The following CSMD1 variants were observed in gnomAD, a reference collection of about 807,000 sequenced individuals.
CSMD1 encodes the protein CUB and Sushi multiple domains 1.
Under a neutral mutation model 417.5 loss-of-function variants are expected in CSMD1, and 213 were observed. That is an observed-to-expected ratio of 0.51 (90% CI 0.46 to 0.57). CSMD1 has a LOEUF of 0.57. Among genes scored for constraint, CSMD1 ranks in the 20% least tolerant of loss-of-function variants. The pLI, the probability that CSMD1 is intolerant of heterozygous loss-of-function variation, is 0.00. For missense variants in CSMD1, 6,923 were observed against 4,529.7 expected (o/e 1.53, Z -15.17); for synonymous variants, 2,862 against 1,736.8 (o/e 1.65, Z -16.11).
intron 69 of CSMD1, among the ~76,000 whole-genome samples, chr8:2,939,035 A>T (rs1331592974): frequency 6.6e-6 from 1 of 152,146 alleles, no homozygotes; most frequent in Non-Finnish European, 1.5e-5. Flanking sequence ...CACGACCACC[A>T]CTCATTTCAG....
At chr8:4,795,797 T>A (rs1300130715) in intron 1 of CSMD1, among the ~76,000 whole-genome samples, 5 of 152,118 alleles carry the variant, frequency 3.3e-5, no homozygotes, top group Non-Finnish European at 7.3e-5. Context: ...GTGCAATTCA[T>A]AAATCACACT....
At chr8:3,809,488 C>A (rs972935355) in intron 5 of CSMD1, among the ~76,000 whole-genome samples, 2 of 152,162 alleles carry the variant, frequency 1.3e-5, no homozygotes, top group Non-Finnish European at 2.9e-5. Context: ...GCTGCGTGAT[C>A]CTTCAGTTTC....
chr8:3,863,978 G>T (rs949839407), intron 5 of CSMD1, among the ~76,000 whole-genome samples: 3 of 152,186 alleles, frequency 2.0e-5, no homozygotes, highest in Admixed American at 2.0e-4. Flanking sequence ...TGAGGCTGCA[G>T]TCTAGGTTTG....
intron 7 of CSMD1, among the ~76,000 whole-genome samples, chr8:3,659,126 A>C (rs995403904): frequency 6.6e-6 from 1 of 152,190 alleles, no homozygotes; most frequent in Non-Finnish European, 1.5e-5. Context: ...ATAGCACATA[A>C]ATCCTTAAAA....
chr8:4,571,146 G>C (rs1259237978), intron 2 of CSMD1, among the ~76,000 whole-genome samples: 42 of 152,090 alleles, frequency 2.8e-4, no homozygotes, highest in Admixed American at 2.8e-3. Flanking sequence ...ATCTCCTTCA[G>C]TTCTGCTCTG....
At chr8:3,674,128 A>T (rs1394752768) in intron 7 of CSMD1, among the ~76,000 whole-genome samples, 1 of 152,098 alleles carries the variant, frequency 6.6e-6, no homozygotes, top group Non-Finnish European at 1.5e-5. Flanking sequence ...AAATCTCCCT[A>T]GAAACTGTCC....
At chr8:3,130,916 T>G (rs867579182) in intron 41 of CSMD1, among the ~76,000 whole-genome samples, 2 of 152,236 alleles carry the variant, frequency 1.3e-5, no homozygotes, top group African/African-American at 4.8e-5. Context: ...AGTGTTTCTG[T>G]AACAGTCCAT....
intron 50 of CSMD1, among the ~76,000 whole-genome samples, chr8:3,048,214 C>T (rs62490537): frequency 0.26 from 39,366 of 151,998 alleles, 5,827 homozygotes; most frequent in East Asian, 0.36. Flanking sequence ...TAAATATTCG[C>T]GACCAACAAG....
chr8:4,598,043 C>T (rs890801708), intron 2 of CSMD1, among the ~76,000 whole-genome samples: 1 of 151,814 alleles, frequency 6.6e-6, no homozygotes, highest in African/African-American at 2.4e-5. Flanking sequence ...TCAATATTCA[C>T]AATTGCATGT....
At chr8:3,269,260 C>T (rs981455503) in intron 26 of CSMD1, among the ~76,000 whole-genome samples, 1 of 152,228 alleles carries the variant, frequency 6.6e-6, no homozygotes, top group African/African-American at 2.4e-5. Context: ...AGTGGTCAAT[C>T]ATAAAAATGT....
chr8:3,838,194 C>T lies in CSMD1; in HGVS notation c.819-84152G>A, dbSNP rs1005077645. Among the ~76,000 whole-genome samples, 5 of 151,980 alleles carry T rather than the reference C, an allele frequency of 3.3e-5. No individual in the cohort carries two copies. The South Asian group carries it at 1.0e-3, about 32-fold the overall frequency. ...ATGAATCAGACACAGACCCTGCCTT[C>T]CTATGGATAGATAACTATGACAGAA... On this transcript the variant is annotated intron_variant, in intron 5 of 69. Coordinates refer to ENST00000635120, the MANE Select transcript of CSMD1 (RefSeq NM_033225.6).
At chr8:4,521,767 T>A (rs1039922323) in intron 2 of CSMD1, among the ~76,000 whole-genome samples, 11 of 152,184 alleles carry the variant, frequency 7.2e-5, no homozygotes, top group Non-Finnish European at 1.5e-4. Flanking sequence ...GAGAAAGCTC[T>A]TCACTGGATA....
chr8:3,650,168 A>G (rs1797778492), intron 7 of CSMD1, among the ~76,000 whole-genome samples: 1 of 152,020 alleles, frequency 6.6e-6, no homozygotes, highest in Non-Finnish European at 1.5e-5. Context: ...AATCCCAGCT[A>G]TTGGGGAGGC....
intron 2 of CSMD1, among the ~76,000 whole-genome samples, chr8:4,601,105 C>T (rs552478087): frequency 1.7e-4 from 26 of 151,966 alleles, no homozygotes; most frequent in Non-Finnish European, 2.6e-4. Flanking sequence ...TACAGGCATG[C>T]GCCACCACGC....
chr8:4,398,750 GT>G (rs1804443210), intron 3 of CSMD1, among the ~76,000 whole-genome samples: 1 of 152,102 alleles, frequency 6.6e-6, no homozygotes, highest in Admixed American at 6.6e-5. Flanking sequence ...TTATCAATTA[GT>G]TTCTCATTTA....
At chr8:3,014,154 C>A (rs984723340) in intron 52 of CSMD1, among the ~76,000 whole-genome samples, 2 of 152,016 alleles carry the variant, frequency 1.3e-5, no homozygotes, top group Non-Finnish European at 2.9e-5. Flanking sequence ...ATTATTTTCA[C>A]TCTTTCAACT....
chr8:4,883,299 A>C (rs1162023632), intron 1 of CSMD1, among the ~76,000 whole-genome samples: 2 of 152,090 alleles, frequency 1.3e-5, no homozygotes, highest in African/African-American at 2.4e-5. Flanking sequence ...GTTACAGATA[A>C]ATGTATATAA....
intron 8 of CSMD1, among the ~76,000 whole-genome samples, chr8:3,600,871 TTAAA>T (rs748977842): frequency 2.0e-5 from 3 of 151,756 alleles, no homozygotes; most frequent in Admixed American, 6.6e-5. Flanking sequence ...ATTTTATTAA[TTAAA>T]TAAATGATTT....
intron 2 of CSMD1, among the ~76,000 whole-genome samples, chr8:4,521,812 GCCT>G (rs1300140659): frequency 6.6e-6 from 1 of 152,120 alleles, no homozygotes; most frequent in Admixed American, 6.5e-5. Flanking sequence ...CACCTGGGTG[GCCT>G]ACTGTATGGT....
Sources: allele counts gnomAD v4.1 joint callset (sites outside exome capture counted in the v4.1 genomes callset), GRCh38; gene constraint gnomAD v4.1.1; transcripts MANE v1.5; gene names NCBI Gene and HGNC (gene_info 2026-07-23, HGNC 2026-07-21).